Variants in WWOX observed in about 807,000 individuals in gnomAD.
WWOX encodes the protein WW domain-containing oxidoreductase.
In WWOX, 69 loss-of-function variants were observed where a neutral mutation model predicts 46.2. The ratio of observed to expected loss-of-function variants is 1.49; its 90% CI spans 1.23 to 1.82. The LOEUF (loss-of-function observed/expected upper bound fraction) is 1.82, where lower values mean the gene tolerates loss of function less well. Ranked by LOEUF, WWOX falls within the 40% of genes most tolerant of loss-of-function variation. The pLI, the probability that WWOX is intolerant of heterozygous loss-of-function variation, is 0.00. For synonymous variants in WWOX, 359 were observed against 202.6 expected, an observed-to-expected ratio of 1.77 and a Z score of -6.56; for missense variants, 919 against 542.6, an observed-to-expected ratio of 1.69 and a Z score of -6.89.
intron 5 of WWOX, among the ~76,000 whole-genome samples, chr16:78,199,259 G>A (rs1030609786): frequency 6.6e-6 from 1 of 152,142 alleles, no homozygotes; most frequent in Non-Finnish European, 1.5e-5. Context: ...GTTGCAGTGA[G>A]CCCAGATCGC....
At chr16:78,109,542 G>C (rs1207080637) in intron 2 of WWOX, among the ~76,000 whole-genome samples, 1 of 152,194 alleles carries the variant, frequency 6.6e-6, no homozygotes, top group African/African-American at 2.4e-5. Flanking sequence ...AGAGCGATCA[G>C]GAATAAAATA....
chr16:78,611,409 G>C (rs182971855), intron 8 of WWOX, among the ~76,000 whole-genome samples: 34 of 152,276 alleles, frequency 2.2e-4, no homozygotes, highest in Non-Finnish European at 3.5e-4. Context: ...TGAATAAATT[G>C]TCTATCCTAA....
chr16:79,082,777 G>C (rs1324810117), intron 8 of WWOX, among the ~76,000 whole-genome samples: 4 of 151,806 alleles, frequency 2.6e-5, no homozygotes, highest in Non-Finnish European at 5.9e-5. Flanking sequence ...GAAGATGGGA[G>C]GGAGGTGATA....
intron 8 of WWOX, among the ~76,000 whole-genome samples, chr16:79,130,058 T>G (rs1310989477): frequency 6.6e-6 from 1 of 152,222 alleles, no homozygotes; most frequent in East Asian, 1.9e-4. Flanking sequence ...ATGGGTGTAT[T>G]TATTGGAATA....
intron 5 of WWOX, chr16:78,280,732 C>T (rs531208585): frequency 5.3e-5 from 8 of 152,276 alleles, no homozygotes; most frequent in African/African-American, 1.4e-4. Flanking sequence ...TCACTGCCAG[C>T]GCTCATTTAA....
chr16:79,166,454 A>G (rs2050596270), intron 8 of WWOX, among the ~76,000 whole-genome samples: 1 of 152,150 alleles, frequency 6.6e-6, no homozygotes, highest in Admixed American at 6.5e-5. Flanking sequence ...TCACAGAGCC[A>G]CTGTGTACTT....
chr16:78,661,745 G>C (rs2047218805), intron 8 of WWOX, among the ~76,000 whole-genome samples: 1 of 152,166 alleles, frequency 6.6e-6, no homozygotes, highest in Non-Finnish European at 1.5e-5. Flanking sequence ...TTTAATAATA[G>C]TAGTTAATAG....
intron 8 of WWOX, among the ~76,000 whole-genome samples, chr16:78,967,677 G>A (rs997627672): frequency 5.9e-5 from 9 of 152,050 alleles, no homozygotes; most frequent in African/African-American, 2.2e-4. Context: ...GCTTGGGAGA[G>A]TCTAGTGGGT....
chr16:78,238,444 C>A (rs1395150809), intron 5 of WWOX, among the ~76,000 whole-genome samples: 1 of 152,078 alleles, frequency 6.6e-6, no homozygotes, highest in Admixed American at 6.6e-5. Context: ...GGACTCCAGG[C>A]ATGTGCCACC....
At chr16:78,987,386 A>G (rs942960379) in intron 8 of WWOX, among the ~76,000 whole-genome samples, 12 of 152,180 alleles carry the variant, frequency 7.9e-5, no homozygotes, top group Non-Finnish European at 1.8e-4. Flanking sequence ...TTTCCTAGCA[A>G]AGGCAGGATT....
At chr16:78,843,166 C>G (rs931731902) in intron 8 of WWOX, among the ~76,000 whole-genome samples, 1 of 149,988 alleles carries the variant, frequency 6.7e-6, no homozygotes, top group Non-Finnish European at 1.5e-5. Flanking sequence ...TTATTACTGT[C>G]AGCCACTGTC....
intron 8 of WWOX, among the ~76,000 whole-genome samples, chr16:78,796,815 C>G (rs991552129): frequency 2.0e-5 from 3 of 147,352 alleles, no homozygotes; most frequent in South Asian, 2.2e-4. Context: ...TCCCATGTTT[C>G]TTTATCTTCT....
chr16:78,788,845 C>A (rs1195843067), intron 8 of WWOX, among the ~76,000 whole-genome samples: 1 of 152,180 alleles, frequency 6.6e-6, no homozygotes, highest in African/African-American at 2.4e-5. Flanking sequence ...AGCCTCCAAC[C>A]TCCAACTAAC....
At chr16:78,670,288 G>A (rs969154435) in intron 8 of WWOX, among the ~76,000 whole-genome samples, 3 of 152,212 alleles carry the variant, frequency 2.0e-5, no homozygotes, top group African/African-American at 7.2e-5. Context: ...ATGTTTTTCT[G>A]TGCATCTGTC....
intron 8 of WWOX, among the ~76,000 whole-genome samples, chr16:78,990,100 T>G (rs1156649058): frequency 6.6e-6 from 1 of 151,054 alleles, no homozygotes; most frequent in African/African-American, 2.4e-5. Context: ...GGGAGGATCT[T>G]TAGAGCCCAG....
At chr16:78,892,293 TAA>T in intron 8 of WWOX, 1 of 151,498 alleles carries the variant, frequency 6.6e-6, no homozygotes, top group African/African-American at 2.4e-5. Context: ...CATGCTAAAA[TAA>T]AAAAAAATGA....
intron 8 of WWOX, among the ~76,000 whole-genome samples, chr16:78,986,368 A>T (rs1043536109): frequency 6.6e-6 from 1 of 152,184 alleles, no homozygotes; most frequent in Non-Finnish European, 1.5e-5. Context: ...TATTCCTAAT[A>T]TCCTCCCTGT....
intron 8 of WWOX, chr16:79,016,777 C>G (rs919028349): frequency 1.3e-5 from 2 of 152,208 alleles, no homozygotes; most frequent in African/African-American, 2.4e-5. Context: ...CCCCGCCTGG[C>G]CCACCCAGTC....
chr16:78,144,472 T>TATATATATATATATATATATACAC lies in WWOX; in HGVS notation c.410-19696_410-19695insTATATACACATATATATATATATA, dbSNP rs1567596407. Among the ~76,000 whole-genome samples the TATATATATATATATATATATACAC allele has an allele frequency of 1.2e-3, 38 of 30,488 alleles. 1 individual carries two copies. Among genetic ancestry groups the TATATATATATATATATATATACAC allele is most frequent in the African/African-American group, 4.4e-3 (30 of 6,804 alleles). 20.0% of individuals were successfully genotyped at this position (30,488 alleles called of 152,430 possible). A position where few individuals can be genotyped will look rare whatever the true frequency, so the allele number is the denominator to read the frequency against. The stretch of plus-strand genomic sequence containing the variant: ...ACACATATATATATATACACACATA[T>TATATATATATATATATATATACAC]ATATATATATATATACACACACACA... On this transcript the variant is annotated intron_variant, in intron 4 of 8. Transcript: ENST00000566780.
Sources: gnomAD v4.1 joint callset for allele counts (sites outside exome capture counted in the v4.1 genomes callset) on GRCh38, gnomAD v4.1.1 for gene constraint, MANE v1.5 for transcripts, NCBI Gene and HGNC (gene_info 2026-07-23, HGNC 2026-07-21) for gene names.